Variants in IGSF10 observed in about 807,000 individuals in gnomAD.
IGSF10 encodes immunoglobulin superfamily member 10, also known as calvaria mechanical force protein 608.
Under a neutral mutation model 128.2 loss-of-function variants are expected in IGSF10, and 126 were observed. The ratio of observed to expected loss-of-function variants is 0.98; its 90% CI spans 0.85 to 1.14. The LOEUF is 1.14. Among genes scored for constraint, IGSF10 ranks in the 50% most tolerant of loss-of-function variants. The probability of loss-of-function intolerance (pLI) is 0.00; values close to 1 mark genes in which losing one functional copy is unlikely to be tolerated. For missense variants in IGSF10, 3,295 were observed against 3,149.8 expected (o/e 1.05, Z -1.10); for synonymous variants, 1,185 against 1,146.2 (o/e 1.03, Z -0.68).
At chr3:151,587,043 G>A in the IGSF10 span, among the ~76,000 whole-genome samples, 1 of 152,096 alleles carries the variant, frequency 6.6e-6, no homozygotes. Flanking sequence ...CTGTTTTATA[G>A]CATTTGTTTT....
chr3:151,534,448 T>G, the IGSF10 span, among the ~76,000 whole-genome samples: 1 of 152,120 alleles, frequency 6.6e-6, no homozygotes, highest in South Asian at 2.1e-4. Flanking sequence ...ATGTAGCACA[T>G]ATACACCATG....
chr3:151,561,106 T>G, the IGSF10 span, among the ~76,000 whole-genome samples: 1 of 152,182 alleles, frequency 6.6e-6, no homozygotes, highest in Non-Finnish European at 1.5e-5. Flanking sequence ...GTTATTTGTT[T>G]TCTGTCAAAC....
At chr3:151,520,316 G>C in the IGSF10 span, among the ~76,000 whole-genome samples, 1 of 151,768 alleles carries the variant, frequency 6.6e-6, no homozygotes, top group Non-Finnish European at 1.5e-5. Context: ...CAGTTTATTA[G>C]CATATCTTGG....
the IGSF10 span, among the ~76,000 whole-genome samples, chr3:151,521,914 C>G: frequency 6.6e-6 from 1 of 151,718 alleles, no homozygotes; most frequent in East Asian, 1.9e-4. Flanking sequence ...TCAACGAACC[C>G]AAGAGTTGGC....
the IGSF10 span, among the ~76,000 whole-genome samples, chr3:151,599,913 A>G: frequency 6.6e-6 from 1 of 152,208 alleles, no homozygotes; most frequent in Non-Finnish European, 1.5e-5. Flanking sequence ...AAACAGATCA[A>G]ATAGAACCAT....
chr3:151,458,626 GGCCTTGCCCCCAGGGGT>G lies in IGSF10; in HGVS notation c.67_83del (p.Thr23LeufsTer43). 6.2e-7 allele frequency: 1 copy of G among 1,614,188 alleles called. No homozygotes were observed. The highest frequency in any genetic ancestry group is 8.5e-7 in the Non-Finnish European group (1 of 1,180,020). ...TATAACAGGCACAGCGGCGAGGACA[GGCCTTGCCCCCAGGGGT>G]GGCGACCAGGCAGATCACAGCAAAG... On this transcript the variant is annotated frameshift_variant, in exon 3 of 8. Transcript: ENST00000282466. LOFTEE classifies it high-confidence loss of function.
the IGSF10 span, among the ~76,000 whole-genome samples, chr3:151,518,840 A>C: frequency 5.3e-5 from 8 of 151,926 alleles, no homozygotes; most frequent in Non-Finnish European, 1.0e-4. Context: ...GAGACGTTCT[A>C]AAGAGTACGC....
At chr3:151,537,594 T>C in the IGSF10 span, among the ~76,000 whole-genome samples, 1 of 152,164 alleles carries the variant, frequency 6.6e-6, no homozygotes, top group East Asian at 1.9e-4. Context: ...TATGCCTTCT[T>C]CATACACCAG....
chr3:151,435,169 A>AAAT (rs1346448005), downstream of IGSF10: 2 of 149,238 alleles, frequency 1.3e-5, no homozygotes, highest in East Asian at 2.1e-4. Flanking sequence ...TTACCAGAGG[A>AAAT]AATTACCTTA....
At chr3:151,513,033 G>T in the IGSF10 span, among the ~76,000 whole-genome samples, 1 of 152,116 alleles carries the variant, frequency 6.6e-6, no homozygotes, top group South Asian at 2.1e-4. Context: ...TCTACCAGAG[G>T]TACAAGGAGG....
chr3:151,523,186 C>A, the IGSF10 span, among the ~76,000 whole-genome samples: 130,360 of 152,172 alleles, frequency 0.86, 56,055 homozygotes, highest in Middle Eastern at 0.95. Context: ...CTAATGGAAA[C>A]ACATCTCATG....
intron 5 of IGSF10, among the ~76,000 whole-genome samples, chr3:151,451,445 T>C (rs902577593): frequency 1.3e-5 from 2 of 152,236 alleles, no homozygotes; most frequent in East Asian, 3.8e-4. Flanking sequence ...CTTGTTCATC[T>C]GTATGTCCCC....
At chr3:151,482,553 T>A in the IGSF10 span, among the ~76,000 whole-genome samples, 2 of 152,182 alleles carry the variant, frequency 1.3e-5, no homozygotes, top group Non-Finnish European at 2.9e-5. Context: ...TATAGGGCAT[T>A]ATTAAGCAAA....
downstream of IGSF10, chr3:151,433,138 C>T (rs1252716277): frequency 3.3e-5 from 7 of 209,476 alleles, no homozygotes; most frequent in East Asian, 4.8e-4. Context: ...TATGATGGAT[C>T]TAAGGTATTT....
the IGSF10 span, among the ~76,000 whole-genome samples, chr3:151,562,555 T>A: frequency 6.6e-6 from 1 of 152,194 alleles, no homozygotes; most frequent in African/African-American, 2.4e-5. Flanking sequence ...AGATGACACA[T>A]ACTGTTCAAA....
chr3:151,447,777 C>T lies in IGSF10; in HGVS notation c.2204G>A (p.Arg735Gln), dbSNP rs369003713. 3.7e-5 allele frequency: 60 copies of T among 1,613,982 alleles called. No homozygotes were observed. Among genetic ancestry groups the T allele is most frequent in the East Asian group, 2.2e-4 (10 of 44,878 alleles). The change falls in exon 6 of 8, where the codon CGA (arginine) becomes CAA (glutamine). Residue 735 changes from arginine (R) to glutamine (Q), a missense_variant. Coordinates refer to ENST00000282466, the MANE Select transcript of IGSF10 (RefSeq NM_178822.5). ...TLQRRGDSTH[R>Q]RFRENRRHFP... ...ATGCCTCCTATTCTCCCTAAAACGT[C>T]GATGTGTTGAATCTCCACGTCGCTG...
At chr3:151,563,723 C>A in the IGSF10 span, among the ~76,000 whole-genome samples, 1 of 152,014 alleles carries the variant, frequency 6.6e-6, no homozygotes, top group Non-Finnish European at 1.5e-5. Context: ...TATTAGCCTG[C>A]CTTATGATAT....
chr3:151,466,988 G>A, the IGSF10 span, among the ~76,000 whole-genome samples: 1 of 152,052 alleles, frequency 6.6e-6, no homozygotes, highest in Non-Finnish European at 1.5e-5. Flanking sequence ...GAGGCATATT[G>A]GAAAAAGACT....
chr3:151,549,395 T>A, the IGSF10 span, among the ~76,000 whole-genome samples: 1 of 152,232 alleles, frequency 6.6e-6, no homozygotes, highest in African/African-American at 2.4e-5. Context: ...GTTGTTTAGC[T>A]GCATGGACTT....
Sources: allele counts gnomAD v4.1 joint callset (sites outside exome capture counted in the v4.1 genomes callset), GRCh38; gene constraint gnomAD v4.1.1; transcripts MANE v1.5; gene names NCBI Gene and HGNC (gene_info 2026-07-23, HGNC 2026-07-21).